SCML4: variants seen among roughly 807,000 people sequenced by gnomAD.
The protein encoded by SCML4 is Scm polycomb group protein like 4.
SCML4 carries 34 observed loss-of-function variants against 41.1 expected under a neutral mutation model. The ratio of observed to expected loss-of-function variants is 0.83; its 90% confidence interval spans 0.63 to 1.10. SCML4 has a LOEUF of 1.10. SCML4 is among the 50% of genes least tolerant of loss of function. The probability of loss-of-function intolerance (pLI) is 0.00; values close to 1 mark genes in which losing one functional copy is unlikely to be tolerated. For synonymous variants in SCML4, 214 were observed against 220.9 expected (o/e 0.97, Z 0.28); for missense variants, 522 against 534.1 (o/e 0.98, Z 0.22).
chr6:107,814,486 C>A (rs534717840), intron 1 of SCML4, among the ~76,000 whole-genome samples: 1 of 152,278 alleles, frequency 6.6e-6, no homozygotes, highest in African/African-American at 2.4e-5. Flanking sequence ...CATCACAGTC[C>A]CTCAGTAGTG....
At chr6:107,755,047 T>G (rs1778988833) in intron 2 of SCML4, among the ~76,000 whole-genome samples, 2 of 151,692 alleles carry the variant, frequency 1.3e-5, no homozygotes, top group Non-Finnish European at 2.9e-5. Flanking sequence ...GAGGCTGCAG[T>G]GACCTATGAT....
At chr6:107,746,946 C>T (rs1019991435) in intron 3 of SCML4, 57 bp from the exon 4 acceptor site, 74 of 1,474,998 alleles carry the variant, frequency 5.0e-5, no homozygotes, top group Non-Finnish European at 6.2e-5. Context: ...GGCCAGCTGG[C>T]GGCCTCTGTG....
the SCML4 span, among the ~76,000 whole-genome samples, chr6:107,844,323 T>C: frequency 6.6e-6 from 1 of 152,218 alleles, no homozygotes; most frequent in Non-Finnish European, 1.5e-5. Flanking sequence ...AGAATGGTCT[T>C]CTATCACAAT....
chr6:107,807,246 A>G (rs573889506), intron 1 of SCML4, among the ~76,000 whole-genome samples: 2 of 152,184 alleles, frequency 1.3e-5, no homozygotes, highest in Non-Finnish European at 2.9e-5. Context: ...CATTTCTGTC[A>G]ATCTTTGCCA....
chr6:107,744,702 A>T (rs1008248684), intron 5 of SCML4, among the ~76,000 whole-genome samples: 3 of 152,340 alleles, frequency 2.0e-5, no homozygotes, highest in Admixed American at 6.5e-5. Flanking sequence ...TATAGACCTA[A>T]AAGTTATAAT....
At chr6:107,824,494 G>A (rs2114324563), upstream of SCML4, among the ~76,000 whole-genome samples, 1 of 143,156 alleles carries the variant, frequency 7.0e-6, no homozygotes, top group African/African-American at 2.9e-5. Flanking sequence ...GTGTGTGTGT[G>A]TGTGTGTGTG....
rs560099303 is a variant in SCML4 at position 107,759,932 on chromosome 6, G to T, written c.157-10119C>A. 6.8e-4 allele frequency among the ~76,000 whole-genome samples: 103 copies of T among 152,238 alleles called. 1 individual carries two copies. Among genetic ancestry groups the T allele is most frequent in the African/African-American group, 2.4e-3 (99 of 41,546 alleles). ...AGGTCTTAGAGATAACAAATGACAC[G>T]CTAGTCCTGGTTCTACTGCCAACTC... On this transcript the variant is annotated intron_variant, in intron 2 of 7. Transcript: ENST00000369020.
At chr6:107,794,803 A>G (rs148394518) in intron 1 of SCML4, among the ~76,000 whole-genome samples, 332 of 152,330 alleles carry the variant, frequency 2.2e-3, no homozygotes, top group African/African-American at 7.8e-3. Flanking sequence ...TCAAGGTGCC[A>G]GCAGGATTGA....
At position 107,749,761 on chromosome 6, in the gene SCML4, G is replaced by A. The variant is rs145577601; in HGVS notation, c.209C>T (p.Thr70Ile). The A allele has an allele frequency of 1.8e-4, 286 of 1,614,084 alleles. 2 individuals are homozygous for A. Among genetic ancestry groups the A allele is most frequent in the South Asian group, 7.9e-4 (72 of 91,074 alleles). ...GATGGAGCTGAGGTCGGGCTCTGGGGTACTCCGCGGAGGTGAGAGGGCTAA... is the reference window on the plus strand; with the variant it reads ...GATGGAGCTGAGGTCGGGCTCTGGGATACTCCGCGGAGGTGAGAGGGCTAA... ...TPLALSPPRS[T>I]PEPDLSSIPQ... The change falls in exon 3 of 8, where the codon ACC (threonine) becomes ATC (isoleucine). Residue 70 changes from threonine (T) to isoleucine (I), a missense_variant. Transcript: ENST00000369020.
At chr6:107,817,543 C>A (rs895595581) in intron 1 of SCML4, among the ~76,000 whole-genome samples, 3 of 140,296 alleles carry the variant, frequency 2.1e-5, no homozygotes, top group Non-Finnish European at 3.0e-5. Flanking sequence ...ATCTCTTGAA[C>A]CTGGGAGGCA....
the SCML4 span, among the ~76,000 whole-genome samples, chr6:107,835,494 C>T: frequency 6.6e-6 from 1 of 152,044 alleles, no homozygotes; most frequent in African/African-American, 2.4e-5. Context: ...AATCCCAGCA[C>T]TTCGGGAGGC....
chr6:107,839,368 G>GAAGGAAAGAAAGAAAGAAAGAAAGAAA, the SCML4 span, among the ~76,000 whole-genome samples: 1 of 52,468 alleles, frequency 1.9e-5, no homozygotes, highest in African/African-American at 6.9e-5. Context: ...AAAGAAAGAA[G>GAAGGAAAGAAAGAAAGAAAGAAAGAAA]GAAAGAAAGA....
chr6:107,704,158 C>T lies in SCML4; in HGVS notation c.*1042G>A, dbSNP rs995966742. On this transcript the variant is annotated 3_prime_UTR_variant, in exon 8 of 8. Coordinates refer to ENST00000369020, the MANE Select transcript of SCML4 (RefSeq NM_198081.5). The stretch of plus-strand genomic sequence containing the variant: ...CTAGAAAAATTAGCCACAGATACAA[C>T]TACATAACCCAGCAATGTAACTAGA... 1.3e-5 allele frequency: 2 copies of T among 152,216 alleles called. No individual in the cohort carries two copies. The allele number at this position is 152,216 out of a possible 1,614,324, so 9.4% of individuals were successfully genotyped here. A position where few individuals can be genotyped will look rare whatever the true frequency, so the allele number is the denominator to read the frequency against.
At chr6:107,726,182 G>A (rs1306854252) in intron 5 of SCML4, among the ~76,000 whole-genome samples, 1 of 151,678 alleles carries the variant, frequency 6.6e-6, no homozygotes, top group East Asian at 1.9e-4. Flanking sequence ...TGTATATCTT[G>A]TAAAAGGGGC....
intron 5 of SCML4, among the ~76,000 whole-genome samples, chr6:107,722,549 AAAAAC>A (rs1172964946): frequency 6.6e-6 from 1 of 152,220 alleles, no homozygotes; most frequent in African/African-American, 2.4e-5. Context: ...TATGAAAAAT[AAAAAC>A]AAAACAAAAC....
rs76047739 is a variant in SCML4, at chr6:107,753,389, C to T, written c.157-3576G>A. On this transcript the variant is annotated intron_variant, in intron 2 of 7. Coordinates refer to ENST00000369020, the MANE Select transcript of SCML4 (RefSeq NM_198081.5). Reference sequence around the variant, plus strand: ...AAGAGATATTTCACATCCACGTTCACGGCAACACTATTTACAATAGCCAAA... The same window carrying T: ...AAGAGATATTTCACATCCACGTTCATGGCAACACTATTTACAATAGCCAAA... Among the ~76,000 whole-genome samples, 672 of 152,228 alleles carry T rather than the reference C, an allele frequency of 4.4e-3. 10 individuals carry two copies. In the East Asian group the frequency reaches 0.064, roughly 14 times the overall value.
At chr6:107,823,152 T>C (rs766965823) in intron 1 of SCML4, among the ~76,000 whole-genome samples, 7 of 152,200 alleles carry the variant, frequency 4.6e-5, no homozygotes, top group Non-Finnish European at 1.0e-4. Flanking sequence ...TCAAGTACTG[T>C]AGTGTCTGAG....
At chr6:107,769,595 A>G (rs72933169) in intron 2 of SCML4, among the ~76,000 whole-genome samples, 27,643 of 152,220 alleles carry the variant, frequency 0.18, 3,057 homozygotes, top group South Asian at 0.27. Flanking sequence ...GAGCCTGCCA[A>G]AGGCTCAGAA....
rs543060112 is a variant in SCML4 at position 107,813,370 on chromosome 6, TTATA to T, written c.-60+10752_-60+10755del. Among the ~76,000 whole-genome samples, 269 of 42,352 alleles carry T rather than the reference TTATA, an allele frequency of 6.4e-3. 3 individuals carry two copies. The highest frequency in any genetic ancestry group is 0.017 in the African/African-American group (121 of 7,286). The allele number at this position is 42,352 out of a possible 152,430, so 27.8% of individuals were successfully genotyped here. A position where few individuals can be genotyped will look rare whatever the true frequency, so the allele number is the denominator to read the frequency against. On this transcript the variant is annotated intron_variant, in intron 1 of 7. Transcript: ENST00000369020. Reference sequence around the variant, plus strand: ...AGAGTGAGACGCCATCTCAAAAAAATTATATATATATATATATATATATATATAT... The same window carrying T: ...AGAGTGAGACGCCATCTCAAAAAAATTATATATATATATATATATATATAT...
Sources: gnomAD v4.1 joint callset for allele counts (sites outside exome capture counted in the v4.1 genomes callset) on GRCh38, gnomAD v4.1.1 for gene constraint, MANE v1.5 for transcripts, NCBI Gene and HGNC (gene_info 2026-07-23, HGNC 2026-07-21) for gene names.